The following MIB1 variants were observed in gnomAD, a reference collection of about 807,000 sequenced individuals.
MIB1 encodes the protein E3 ubiquitin-protein ligase MIB1.
MIB1 carries 278 observed loss-of-function variants against 124.5 expected under a neutral mutation model. That is an observed-to-expected ratio of 2.23 (90% CI 2.02 to 2.47). MIB1 has a LOEUF of 2.47. Ranked by LOEUF, MIB1 falls within the 30% of genes most tolerant of loss-of-function variation. The pLI is 0.00. For missense variants in MIB1, 957 were observed against 1,254.4 expected, an observed-to-expected ratio of 0.76 and a Z score of 3.58; for synonymous variants, 446 against 429.4, an observed-to-expected ratio of 1.04 and a Z score of -0.48.
At chr18:21,836,774 G>A (rs115168101) in intron 12 of MIB1, among the ~76,000 whole-genome samples, 1 of 152,184 alleles carries the variant, frequency 6.6e-6, no homozygotes, top group African/African-American at 2.4e-5. Context: ...GTTTACCCCT[G>A]TAAATTTTGT....
intron 3 of MIB1, 137 bp from the exon 4 acceptor site, chr18:21,773,487 C>A: frequency 1.6e-6 from 1 of 607,110 alleles, no homozygotes; most frequent in South Asian, 2.1e-5. Context: ...ACATATTTGG[C>A]AAATAAGTAT....
intron 1 of MIB1, among the ~76,000 whole-genome samples, chr18:21,749,645 T>G (rs1434781353): frequency 3.3e-5 from 5 of 149,502 alleles, no homozygotes; most frequent in Non-Finnish European, 5.9e-5. Context: ...CTTACTCTTT[T>G]TTTTTTTTTT....
At position 21,849,226 on chromosome 18, in the gene MIB1, GA is replaced by G; in HGVS notation, c.2425del (p.Ile809LeufsTer8). The G allele has an allele frequency of 1.3e-6, 2 of 1,595,348 alleles. No individual in the cohort carries two copies. The highest frequency in any genetic ancestry group is 1.7e-6 in the Non-Finnish European group (2 of 1,171,954). On this transcript the variant is annotated frameshift_variant, in exon 17 of 21. Coordinates refer to ENST00000261537, the MANE Select transcript of MIB1 (RefSeq NM_020774.4). LOFTEE classifies it high-confidence loss of function. The stretch of plus-strand genomic sequence containing the variant: ...AAGTGGGTTCTCGGAGTCCTTCTAT[GA>G]TTAGTAATGATTCTGAAACCTTAGA... ...GQVGSRSPSM[I>X]SNDSETLEEC...
At position 21,781,389 on chromosome 18, in the gene MIB1, AT is replaced by A. The variant is rs1568199012; in HGVS notation, c.908+1705del. On this transcript the variant is annotated intron_variant, in intron 6 of 20. Transcript: ENST00000261537. The stretch of plus-strand genomic sequence containing the variant: ...GTTATATATATATATATATATATAT[AT>A]ATATATATATATATATATATATATA... Among the ~76,000 whole-genome samples, 3 of 68,248 alleles carry A rather than the reference AT, an allele frequency of 4.4e-5. 1 individual carries two copies. Among genetic ancestry groups the A allele is most frequent in the East Asian group, 1.5e-3 (2 of 1,310 alleles). 44.8% of individuals were successfully genotyped at this position (68,248 alleles called of 152,430 possible). A position where few individuals can be genotyped will look rare whatever the true frequency, so the allele number is the denominator to read the frequency against.
At chr18:21,862,122 C>T (rs1186234250) in intron 20 of MIB1, among the ~76,000 whole-genome samples, 4 of 152,122 alleles carry the variant, frequency 2.6e-5, no homozygotes, top group Admixed American at 6.6e-5. Flanking sequence ...GTCTTGAATT[C>T]GTGGGCTCAA....
chr18:21,732,142 A>G (rs1243592748), intron 1 of MIB1, among the ~76,000 whole-genome samples: 1 of 151,950 alleles, frequency 6.6e-6, no homozygotes, highest in Non-Finnish European at 1.5e-5. Context: ...CCTGGCCAAC[A>G]TGGCAAAACT....
At chr18:21,852,734 T>C (rs144408526) in intron 17 of MIB1, among the ~76,000 whole-genome samples, 1 of 152,358 alleles carries the variant, frequency 6.6e-6, no homozygotes, top group East Asian at 1.9e-4. Context: ...CTAATCTAGC[T>C]AGATTTTTAT....
intron 15 of MIB1, 68 bp downstream of exon 15, chr18:21,844,321 T>A: frequency 6.2e-6 from 9 of 1,462,536 alleles, no homozygotes; most frequent in African/African-American, 2.8e-5. Flanking sequence ...TTATATTTAC[T>A]GGTAATCTAA....
intron 1 of MIB1, among the ~76,000 whole-genome samples, chr18:21,750,326 ATTTTAT>A (rs1281160852): frequency 2.1e-5 from 3 of 145,080 alleles, no homozygotes; most frequent in Non-Finnish European, 4.6e-5. Context: ...TAATTTTTGT[ATTTTAT>A]TTTTATTTTT....
At position 21,819,500 on chromosome 18, in the gene MIB1, T is replaced by C; in HGVS notation, c.1683T>C (p.Ser561=). ...AAATTTCTTTAAACTTAAAGGATTC[T>C]GAAGGTGATACCCCTCTTCATGATG... ...DFGCHPSLQD[S]EGDTPLHDAI... The change falls in exon 12 of 21, where the codon TCT becomes TCC. Residue 561 remains serine, a synonymous_variant. Coordinates refer to ENST00000261537, the MANE Select transcript of MIB1 (RefSeq NM_020774.4). 6.3e-7 allele frequency: 1 copy of C among 1,595,064 alleles called. No individual in the cohort carries two copies. Among genetic ancestry groups the C allele is most frequent in the Non-Finnish European group, 8.6e-7 (1 of 1,169,366 alleles).
chr18:21,728,493 C>CA lies in MIB1; in HGVS notation n.167+23379dup, dbSNP rs547487566. Among the ~76,000 whole-genome samples, 185 of 149,384 alleles carry CA rather than the reference C, an allele frequency of 1.2e-3. 1 individual carries two copies. The highest frequency in any genetic ancestry group is 3.6e-3 in the African/African-American group (145 of 40,732). ...GGGAGACGAGAAAAAAACTCCGTCTCAAAAAAAAACAAAAAACTATCCCTA... is the reference window on the plus strand; with the variant it reads ...GGGAGACGAGAAAAAAACTCCGTCTCAAAAAAAAAACAAAAAACTATCCCTA... On this transcript the variant is annotated intron_variant and non_coding_transcript_variant, in intron 1 of 20. Transcript: ENST00000578646.
rs1476023788 is a variant in MIB1, at chr18:21,868,169, A to G, written c.*3503A>G. 1 of 152,050 alleles carries G rather than the reference A, an allele frequency of 6.6e-6. No individual in the cohort carries two copies. The highest frequency in any genetic ancestry group is 1.5e-5 in the Non-Finnish European group (1 of 67,920). 9.4% of individuals were successfully genotyped at this position (152,050 alleles called of 1,614,324 possible). A position where few individuals can be genotyped will look rare whatever the true frequency, so the allele number is the denominator to read the frequency against. ...AATTTACCATATTAACTGTTTCTAA[A>G]GAATACAGTTCAGCCATGTGAAGTA... On this transcript the variant is annotated 3_prime_UTR_variant, in exon 21 of 21. Transcript: ENST00000261537.
chr18:21,756,260 C>T (rs1366979482), intron 1 of MIB1, among the ~76,000 whole-genome samples: 1 of 152,082 alleles, frequency 6.6e-6, no homozygotes, highest in Non-Finnish European at 1.5e-5. Flanking sequence ...AATAAACTAA[C>T]TTGTCCAAGA....
In MIB1 at chr18:21,730,288, T is replaced by TG. The variant is rs556082478; in HGVS notation, n.167+25168dup. 1.1e-4 allele frequency among the ~76,000 whole-genome samples: 17 copies of TG among 152,306 alleles called. No individual in the cohort carries two copies. The South Asian group carries it at 3.5e-3, about 32-fold the overall frequency. ...ACGTTTAAAAAAATTAACACTGGGC[T>TG]GGGCGCAGTGGCTCATGCCTGTAAT... On this transcript the variant is annotated intron_variant and non_coding_transcript_variant, in intron 1 of 20. Coordinates refer to the MIB1 transcript ENST00000578646.
chr18:21,851,463 A>T, intron 17 of MIB1, among the ~76,000 whole-genome samples: 1 of 152,204 alleles, frequency 6.6e-6, no homozygotes, highest in Non-Finnish European at 1.5e-5. Context: ...AACTACGGAT[A>T]TACCCACCCA....
In MIB1 at chr18:21,758,038, C is replaced by A. The variant is rs146557028; in HGVS notation, c.230-7734C>A. The stretch of plus-strand genomic sequence containing the variant: ...GGTTTGAATTTGAACCTGCCACTTA[C>A]TAATGTTGTGTGACTTCAGGCAGGT... On this transcript the variant is annotated intron_variant, in intron 1 of 20. Coordinates refer to ENST00000261537, the MANE Select transcript of MIB1 (RefSeq NM_020774.4). Among the ~76,000 whole-genome samples the A allele has an allele frequency of 1.5e-4, 23 of 152,260 alleles. No homozygotes were observed. The East Asian group carries it at 4.2e-3, about 28-fold the overall frequency.
chr18:21,768,751 A>T lies in MIB1; in HGVS notation c.530A>T (p.Lys177Met). The T allele has an allele frequency of 6.2e-7, 1 of 1,609,238 alleles. No homozygotes were observed. Among genetic ancestry groups the T allele is most frequent in the Non-Finnish European group, 8.5e-7 (1 of 1,177,504 alleles). The change falls in exon 3 of 21, where the codon AAG (lysine) becomes ATG (methionine). Residue 177 changes from lysine to methionine, a missense_variant and splice_region_variant. By Grantham distance (95) the Lys-to-Met change is moderately conservative (BLOSUM62 -1). Transcript: ENST00000261537. ...DQDGGNGRRG[K>M]VTEIQDWSAS... ...GATGGAGGAAATGGACGTAGGGGAA[A>T]GGTACAGTGTTTCTCTGAATTCATT...
intron 8 of MIB1, 81 bp from the exon 9 acceptor site, chr18:21,799,760 G>T: frequency 7.8e-7 from 1 of 1,288,646 alleles, no homozygotes; most frequent in Non-Finnish European, 1.1e-6. Flanking sequence ...AAAGATTATA[G>T]AAATATTGGG....
chr18:21,780,360 G>C (rs988662894), intron 6 of MIB1, among the ~76,000 whole-genome samples: 1 of 151,964 alleles, frequency 6.6e-6, no homozygotes, highest in Admixed American at 6.6e-5. Flanking sequence ...AGTCTTGTAC[G>C]CATTTACCAT....
Sources: allele counts gnomAD v4.1 joint callset (sites outside exome capture counted in the v4.1 genomes callset), GRCh38; gene constraint gnomAD v4.1.1; transcripts MANE v1.5; gene names NCBI Gene and HGNC (gene_info 2026-07-23, HGNC 2026-07-21).